Variants in VEPH1 observed in about 807,000 individuals in gnomAD.
The protein encoded by VEPH1 is ventricular zone expressed PH domain containing 1.
Under a neutral mutation model 85.2 loss-of-function variants are expected in VEPH1, and 80 were observed. That is an observed-to-expected ratio of 0.94 (90% CI 0.78 to 1.13). VEPH1 has a LOEUF of 1.13. Among genes scored for constraint, VEPH1 ranks in the 50% most tolerant of loss-of-function variants. The pLI, the probability that VEPH1 is intolerant of heterozygous loss-of-function variation, is 0.00. For synonymous variants in VEPH1, 297 were observed against 348.0 expected (o/e 0.85, Z 1.63); for missense variants, 955 against 980.5 (o/e 0.97, Z 0.35).
chr3:157,262,257 A>G (rs532282191), intron 13 of VEPH1, among the ~76,000 whole-genome samples: 2 of 152,276 alleles, frequency 1.3e-5, no homozygotes, highest in African/African-American at 4.8e-5. Context: ...AGCCAAGGCA[A>G]TGTAATCACT....
intron 11 of VEPH1, among the ~76,000 whole-genome samples, chr3:157,299,014 A>G (rs1180487246): frequency 6.6e-6 from 1 of 152,156 alleles, no homozygotes; most frequent in African/African-American, 2.4e-5. Context: ...TATATTTTGA[A>G]ATAGTGTTAA....
chr3:157,418,050 T>G lies in VEPH1; in HGVS notation c.697-3960A>C, dbSNP rs146164150. Reference sequence around the variant, plus strand: ...AAGAATATGGGGTCAACTGTCGGCATGGCTTGTTCTCAGGAGAATAGACCC... The same window carrying G: ...AAGAATATGGGGTCAACTGTCGGCAGGGCTTGTTCTCAGGAGAATAGACCC... On this transcript the variant is annotated intron_variant, in intron 5 of 13. Coordinates refer to ENST00000362010, the MANE Select transcript of VEPH1 (RefSeq NM_001167912.2). 1.4e-4 allele frequency among the ~76,000 whole-genome samples: 22 copies of G among 152,300 alleles called. No individual in the cohort carries two copies. The East Asian group carries it at 4.1e-3, about 28-fold the overall frequency.
At chr3:157,370,196 C>T (rs1013091000) in intron 7 of VEPH1, among the ~76,000 whole-genome samples, 4 of 152,156 alleles carry the variant, frequency 2.6e-5, no homozygotes, top group Non-Finnish European at 4.4e-5. Context: ...CTTGTGTGAA[C>T]GGGGACTTCC....
At chr3:157,342,294 A>G (rs1723663236) in intron 9 of VEPH1, among the ~76,000 whole-genome samples, 1 of 152,090 alleles carries the variant, frequency 6.6e-6, no homozygotes, top group Admixed American at 6.5e-5. Context: ...TCATGTGCAG[A>G]GACACACATA....
At chr3:157,468,506 C>T (rs777525743) in intron 3 of VEPH1, among the ~76,000 whole-genome samples, 10 of 151,960 alleles carry the variant, frequency 6.6e-5, no homozygotes, top group East Asian at 1.9e-4. Flanking sequence ...ACCCGGGAGG[C>T]GGAGGTTGCA....
chr3:157,379,033 TCG>T lies in VEPH1; in HGVS notation c.1127+2121_1127+2122del, dbSNP rs1728467836. 3.9e-5 allele frequency among the ~76,000 whole-genome samples: 6 copies of T among 152,348 alleles called. No homozygotes were observed. In the South Asian group the frequency reaches 1.2e-3, roughly 32 times the overall value. On this transcript the variant is annotated intron_variant, in intron 7 of 13. Transcript: ENST00000362010. Reference sequence around the variant, plus strand: ...TTCAATGCTTCATGATGTTAGTTACTCGTGATTTACTTATTCATTTGGTGAAA... The same window carrying T: ...TTCAATGCTTCATGATGTTAGTTACTTGATTTACTTATTCATTTGGTGAAA...
chr3:157,289,740 A>T (rs1717241117), intron 11 of VEPH1, among the ~76,000 whole-genome samples: 2 of 152,218 alleles, frequency 1.3e-5, no homozygotes, highest in African/African-American at 2.4e-5. Context: ...TTTTTCTAAC[A>T]GGAGAACAAA....
At chr3:157,318,335 T>C (rs536271233) in intron 9 of VEPH1, among the ~76,000 whole-genome samples, 110 of 152,264 alleles carry the variant, frequency 7.2e-4, no homozygotes, top group African/African-American at 2.6e-3. Flanking sequence ...AGGCCAGGCA[T>C]GGTGGCTCAT....
In VEPH1 at chr3:157,295,959, A is replaced by AT. The variant is rs1249051405; in HGVS notation, c.2011-9286_2011-9285insA. Among the ~76,000 whole-genome samples the AT allele has an allele frequency of 6.6e-5, 10 of 151,218 alleles. No homozygotes were observed. The East Asian group carries it at 7.7e-4, about 12-fold the overall frequency. ...AACAGAGTGAGACTCCATCTCAAAA[A>AT]AAAATAAATAAATAAATAAATTATG... On this transcript the variant is annotated intron_variant, in intron 11 of 13. Coordinates refer to ENST00000362010, the MANE Select transcript of VEPH1 (RefSeq NM_001167912.2).
At chr3:157,336,205 T>C (rs1280572038) in intron 9 of VEPH1, among the ~76,000 whole-genome samples, 4 of 152,248 alleles carry the variant, frequency 2.6e-5, no homozygotes, top group African/African-American at 9.6e-5. Flanking sequence ...TAGTTATTGT[T>C]GGCACTATTC....
intron 11 of VEPH1, among the ~76,000 whole-genome samples, chr3:157,303,366 ATTGT>A (rs749014716): frequency 7.2e-5 from 11 of 152,286 alleles, no homozygotes; most frequent in East Asian, 1.9e-4. Flanking sequence ...AGGGATCATG[ATTGT>A]TTGTTTAGTC....
intron 11 of VEPH1, among the ~76,000 whole-genome samples, chr3:157,311,161 T>G (rs1198790844): frequency 6.6e-6 from 1 of 152,248 alleles, no homozygotes; most frequent in Non-Finnish European, 1.5e-5. Flanking sequence ...AGTTTGCAAT[T>G]TAATAGATAT....
rs1375875634 is a variant in VEPH1, at chr3:157,428,472, C to T, written c.546G>A (p.Leu182=). The T allele has an allele frequency of 1.9e-6, 3 of 1,613,690 alleles. No homozygotes were observed. Among genetic ancestry groups the T allele is most frequent in the Admixed American group, 3.3e-5 (2 of 59,988 alleles). Reference sequence around the variant, plus strand: ...TTTCATACACAGCAGGTAACACTCTCAACAACATGGTGTTACCTGTTGAGG... The same window carrying T: ...TTTCATACACAGCAGGTAACACTCTTAACAACATGGTGTTACCTGTTGAGG... ...KSILQGNTML[L]RVLPAVYEKQ... is the part of the protein sequence containing the mutation. The change falls in exon 5 of 14, where the codon TTG becomes TTA. Residue 182 remains leucine (L), a synonymous_variant. Coordinates refer to ENST00000362010, the MANE Select transcript of VEPH1 (RefSeq NM_001167912.2).
intron 2 of VEPH1, among the ~76,000 whole-genome samples, chr3:157,478,260 T>C (rs936375373): frequency 6.6e-6 from 1 of 152,084 alleles, no homozygotes; most frequent in Non-Finnish European, 1.5e-5. Context: ...CTGTGAGAGA[T>C]TAGTTGAGGC....
Position 157,318,397 on chromosome 3 carries a change from C to T in VEPH1, c.1736-1196G>A, listed in dbSNP as rs181360081. Among the ~76,000 whole-genome samples, 301 of 152,182 alleles carry T rather than the reference C, an allele frequency of 2.0e-3. 1 individual carries two copies. Among genetic ancestry groups the T allele is most frequent in the African/African-American group, 6.9e-3 (285 of 41,512 alleles). The stretch of plus-strand genomic sequence containing the variant: ...CCAAGGTGGGCGGATTGCCTCATCT[C>T]AGGGGTTTGAAACCAGCCCGGACAA... On this transcript the variant is annotated intron_variant, in intron 9 of 13. Coordinates refer to ENST00000362010, the MANE Select transcript of VEPH1 (RefSeq NM_001167912.2).
At chr3:157,392,840 T>C (rs900815566) in intron 6 of VEPH1, among the ~76,000 whole-genome samples, 1 of 152,216 alleles carries the variant, frequency 6.6e-6, no homozygotes, top group Non-Finnish European at 1.5e-5. Context: ...CAGATACTTT[T>C]GATTGCCTAT....
chr3:157,357,876 A>G (rs1479655325), intron 9 of VEPH1, among the ~76,000 whole-genome samples: 4 of 152,212 alleles, frequency 2.6e-5, no homozygotes, highest in Admixed American at 1.3e-4. Context: ...AGAGCTTTTA[A>G]AAATATAATT....
intron 13 of VEPH1, among the ~76,000 whole-genome samples, chr3:157,264,808 G>A (rs1559907210): frequency 6.6e-6 from 1 of 152,094 alleles, no homozygotes; most frequent in South Asian, 2.1e-4. Context: ...CAAGAAGTAG[G>A]TCAAGATTTG....
At chr3:157,443,038 G>GGCCGGGCGCGGTGGC in intron 4 of VEPH1, 1 of 1,532,490 alleles carries the variant, frequency 6.5e-7, no homozygotes, top group South Asian at 1.3e-5. Flanking sequence ...ACACATGCCA[G>GGCCGGGCGCGGTGGC]TTGGGAAGGT....
Sources: allele counts gnomAD v4.1 joint callset (sites outside exome capture counted in the v4.1 genomes callset), GRCh38; gene constraint gnomAD v4.1.1; transcripts MANE v1.5; gene names NCBI Gene and HGNC (gene_info 2026-07-23, HGNC 2026-07-21).